Variants in CAB39 observed in about 807,000 individuals in gnomAD.
CAB39 encodes the protein calcium binding protein 39.
In CAB39, 8 loss-of-function variants were observed where a neutral mutation model predicts 40.0. That is an observed-to-expected ratio of 0.20 (90% CI 0.12 to 0.36). The LOEUF (loss-of-function observed/expected upper bound fraction) is 0.36. Among genes scored for constraint, CAB39 ranks in the 10% least tolerant of loss-of-function variants. CAB39 has a pLI of 1.00. For synonymous variants in CAB39, 156 were observed against 141.6 expected, an observed-to-expected ratio of 1.10 and a Z score of -0.72; for missense variants, 270 against 401.1, an observed-to-expected ratio of 0.67 and a Z score of 2.79.
chr2:230,818,508 C>A lies in CAB39; in HGVS notation c.838-8C>A. On this transcript the variant is annotated splice_polypyrimidine_tract_variant and splice_region_variant and intron_variant, in intron 8 of 8. Transcript: ENST00000258418. ...CTCTGTGCCTCATGTGCGTTTCTCT[C>A]CACGCAGGTGTTTGTAGCCAATCCT... 1.2e-6 allele frequency: 2 copies of A among 1,611,702 alleles called. No homozygotes were observed. Among genetic ancestry groups the A allele is most frequent in the African/African-American group, 1.3e-5 (1 of 74,850 alleles).
chr2:230,714,710 C>CT (rs1264660169), intron 1 of CAB39, among the ~76,000 whole-genome samples: 5 of 152,116 alleles, frequency 3.3e-5, no homozygotes, highest in African/African-American at 1.2e-4. Flanking sequence ...AAAGGTAAAA[C>CT]TTTGTTTTTA....
At chr2:230,814,497 A>G (rs1559620263) in intron 7 of CAB39, among the ~76,000 whole-genome samples, 1 of 152,132 alleles carries the variant, frequency 6.6e-6, no homozygotes, top group Non-Finnish European at 1.5e-5. Flanking sequence ...TGTGCGTGTG[A>G]GGCTGTGGAC....
At chr2:230,727,793 A>T (rs1694613463) in intron 1 of CAB39, among the ~76,000 whole-genome samples, 1 of 152,164 alleles carries the variant, frequency 6.6e-6, no homozygotes, top group Non-Finnish European at 1.5e-5. Flanking sequence ...CTCCAGACCC[A>T]GTTAGCATAG....
At chr2:230,811,287 T>A (rs971215257) in intron 6 of CAB39, among the ~76,000 whole-genome samples, 3 of 152,214 alleles carry the variant, frequency 2.0e-5, no homozygotes, top group Non-Finnish European at 2.9e-5. Context: ...AAATCTATGC[T>A]TGCTTGTTCT....
intron 1 of CAB39, among the ~76,000 whole-genome samples, chr2:230,721,304 G>T (rs1694448281): frequency 6.6e-6 from 1 of 152,196 alleles, no homozygotes; most frequent in Admixed American, 6.5e-5. Context: ...GGTGTCAGGT[G>T]CCTGTAATCC....
intron 1 of CAB39, among the ~76,000 whole-genome samples, chr2:230,743,303 G>A (rs982950863): frequency 1.3e-5 from 2 of 152,146 alleles, no homozygotes; most frequent in East Asian, 3.8e-4. Flanking sequence ...GGAAGGGAGA[G>A]ATAGAGTAAC....
chr2:230,795,927 C>T (rs1484452273), intron 4 of CAB39, among the ~76,000 whole-genome samples: 5 of 152,046 alleles, frequency 3.3e-5, no homozygotes, highest in African/African-American at 1.2e-4. Flanking sequence ...TATAAACTCA[C>T]GTTTTTGTCT....
At chr2:230,807,722 A>G (rs765003067) in intron 5 of CAB39, among the ~76,000 whole-genome samples, 1 of 152,160 alleles carries the variant, frequency 6.6e-6, no homozygotes, top group Non-Finnish European at 1.5e-5. Flanking sequence ...TTCAGTAAAA[A>G]TCTGTTGTGC....
At chr2:230,770,059 C>G (rs548732936) in intron 2 of CAB39, among the ~76,000 whole-genome samples, 1 of 151,918 alleles carries the variant, frequency 6.6e-6, no homozygotes, top group Non-Finnish European at 1.5e-5. Flanking sequence ...CACTAAATAT[C>G]TATGTTAAAA....
At chr2:230,735,328 GGCT>G (rs1694768019) in intron 1 of CAB39, among the ~76,000 whole-genome samples, 1 of 151,760 alleles carries the variant, frequency 6.6e-6, no homozygotes, top group African/African-American at 2.4e-5. Flanking sequence ...CACCACGCCT[GGCT>G]TATTTTTGTA....
At chr2:230,805,718 T>C (rs1696180964) in intron 5 of CAB39, among the ~76,000 whole-genome samples, 1 of 152,260 alleles carries the variant, frequency 6.6e-6, no homozygotes. Flanking sequence ...TGTATAATTC[T>C]ACAAATCTGT....
intron 1 of CAB39, among the ~76,000 whole-genome samples, chr2:230,741,358 T>C (rs1025794120): frequency 6.6e-6 from 1 of 152,222 alleles, no homozygotes; most frequent in Admixed American, 6.5e-5. Context: ...CCTCCATGCT[T>C]AAGACACAAG....
intron 5 of CAB39, among the ~76,000 whole-genome samples, chr2:230,808,535 C>G (rs562418306): frequency 5.3e-5 from 8 of 152,314 alleles, no homozygotes; most frequent in East Asian, 1.9e-4. Flanking sequence ...GACCACGGTA[C>G]GAAGATAATG....
intron 2 of CAB39, among the ~76,000 whole-genome samples, chr2:230,769,824 C>CAA (rs76656397): frequency 5.2e-4 from 48 of 92,872 alleles, no homozygotes; most frequent in African/African-American, 1.6e-3. Flanking sequence ...ACTAAAAATA[C>CAA]AAAAAAAAAA....
intron 1 of CAB39, among the ~76,000 whole-genome samples, chr2:230,734,741 G>A (rs187427191): frequency 6.4e-4 from 98 of 152,226 alleles, no homozygotes; most frequent in Non-Finnish European, 1.2e-3. Flanking sequence ...TTTGGCCACA[G>A]GTATCATGAA....
At chr2:230,802,135 A>C (rs982705821) in intron 5 of CAB39, among the ~76,000 whole-genome samples, 1 of 152,196 alleles carries the variant, frequency 6.6e-6, no homozygotes, top group African/African-American at 2.4e-5. Flanking sequence ...AACTACATGG[A>C]AACTGAACAA....
intron 2 of CAB39, among the ~76,000 whole-genome samples, chr2:230,770,642 A>G (rs1695465093): frequency 6.6e-6 from 1 of 152,262 alleles, no homozygotes; most frequent in Non-Finnish European, 1.5e-5. Flanking sequence ...TTACAATAAA[A>G]TAAAACCTAC....
chr2:230,765,768 A>T (rs561679608), intron 2 of CAB39, among the ~76,000 whole-genome samples: 11 of 152,214 alleles, frequency 7.2e-5, no homozygotes, highest in African/African-American at 2.4e-4. Context: ...TACAGGCTAG[A>T]GATGCTGTTA....
intron 1 of CAB39, among the ~76,000 whole-genome samples, chr2:230,728,029 A>G (rs1378173325): frequency 6.6e-6 from 1 of 152,038 alleles, no homozygotes; most frequent in Non-Finnish European, 1.5e-5. Flanking sequence ...ACCTGAGGTC[A>G]GGAGTTCAAG....
Sources: gnomAD v4.1 joint callset for allele counts (sites outside exome capture counted in the v4.1 genomes callset) on GRCh38, gnomAD v4.1.1 for gene constraint, MANE v1.5 for transcripts, NCBI Gene and HGNC (gene_info 2026-07-23, HGNC 2026-07-21) for gene names.